Variants in CELF2 observed in about 807,000 individuals in gnomAD.
The protein encoded by CELF2 is CUGBP Elav-like family member 2.
A neutral mutation model predicts 62.6 loss-of-function variants in CELF2; 8 were observed. That is an observed-to-expected ratio of 0.13 (90% CI 0.07 to 0.23). The LOEUF (loss-of-function observed/expected upper bound fraction) is 0.23. CELF2 is among the 10% of genes least tolerant of loss of function. The pLI is 1.00. For missense variants in CELF2, 333 were observed against 671.0 expected (o/e 0.50, Z 5.56); for synonymous variants, 258 against 250.0 (o/e 1.03, Z -0.30).
chr10:10,746,086 C>T, the CELF2 span, among the ~76,000 whole-genome samples: 1 of 152,184 alleles, frequency 6.6e-6, no homozygotes, highest in African/African-American at 2.4e-5. Context: ...ATGAATTCTC[C>T]AGCCCCTTGA....
chr10:11,155,523 A>G (rs1470573523), intron 1 of CELF2, among the ~76,000 whole-genome samples: 1 of 152,212 alleles, frequency 6.6e-6, no homozygotes, highest in African/African-American at 2.4e-5. Flanking sequence ...CTCAAAGGGC[A>G]TGAGCATCCG....
intron 9 of CELF2, among the ~76,000 whole-genome samples, chr10:11,310,938 G>A (rs1451657624): frequency 6.6e-6 from 1 of 152,120 alleles, no homozygotes. Context: ...CTCAGAGAAG[G>A]GGTAGCATAT....
intron 1 of CELF2, among the ~76,000 whole-genome samples, chr10:10,849,648 T>C (rs1045937344): frequency 3.3e-5 from 5 of 152,142 alleles, no homozygotes; most frequent in Middle Eastern, 3.2e-3. Flanking sequence ...AGTACAATTA[T>C]CAAAATCAGG....
chr10:10,526,889 C>G, the CELF2 span, among the ~76,000 whole-genome samples: 4 of 152,202 alleles, frequency 2.6e-5, no homozygotes, highest in African/African-American at 9.7e-5. Context: ...TTCTGGACAC[C>G]TAAGCAAAGA....
intron 1 of CELF2, among the ~76,000 whole-genome samples, chr10:11,127,312 G>A (rs2058871992): frequency 6.6e-6 from 1 of 152,166 alleles, no homozygotes; most frequent in Non-Finnish European, 1.5e-5. Context: ...ATTTGGGTTG[G>A]TTCCAAGTTT....
chr10:10,618,258 G>A, the CELF2 span, among the ~76,000 whole-genome samples: 1 of 152,026 alleles, frequency 6.6e-6, no homozygotes, highest in African/African-American at 2.4e-5. Flanking sequence ...TCTTAGGAAT[G>A]AGCCCATTTC....
chr10:10,536,170 C>T, the CELF2 span, among the ~76,000 whole-genome samples: 6 of 152,018 alleles, frequency 3.9e-5, no homozygotes, highest in Non-Finnish European at 1.5e-5. Context: ...CAGGCACATG[C>T]CACCATGTCT....
chr10:10,572,228 G>A, the CELF2 span, among the ~76,000 whole-genome samples: 2 of 151,834 alleles, frequency 1.3e-5, no homozygotes, highest in Non-Finnish European at 1.5e-5. Flanking sequence ...ATCATTAAGA[G>A]CAGTATATTT....
the CELF2 span, among the ~76,000 whole-genome samples, chr10:10,466,670 A>G: frequency 3.3e-5 from 5 of 152,130 alleles, no homozygotes; most frequent in South Asian, 4.1e-4. Context: ...TTCTCCCGCA[A>G]TGTTGGAGAA....
At chr10:10,961,173 G>C (rs1226118484) in intron 2 of CELF2, among the ~76,000 whole-genome samples, 1 of 152,154 alleles carries the variant, frequency 6.6e-6, no homozygotes, top group African/African-American at 2.4e-5. Context: ...AGAAGAGGTA[G>C]GTTCTTTAAG....
At chr10:10,676,454 T>C in the CELF2 span, among the ~76,000 whole-genome samples, 1 of 152,212 alleles carries the variant, frequency 6.6e-6, no homozygotes, top group Non-Finnish European at 1.5e-5. Context: ...CTGGTGTGTT[T>C]CAAAAATGGT....
chr10:11,080,837 T>C (rs563989997), intron 1 of CELF2, among the ~76,000 whole-genome samples: 1 of 152,332 alleles, frequency 6.6e-6, no homozygotes, highest in African/African-American at 2.4e-5. Flanking sequence ...AAGAAAATTA[T>C]ATGAACCACA....
chr10:10,627,231 C>T, the CELF2 span, among the ~76,000 whole-genome samples: 1 of 152,146 alleles, frequency 6.6e-6, no homozygotes, highest in Admixed American at 6.6e-5. Context: ...CCCAAGAAGA[C>T]CTCTGAATAA....
chr10:10,838,474 AG>A (rs2058455458), intron 1 of CELF2, among the ~76,000 whole-genome samples: 1 of 152,234 alleles, frequency 6.6e-6, no homozygotes, highest in Non-Finnish European at 1.5e-5. Context: ...CACCTACTTC[AG>A]GGCAGGATAT....
chr10:11,088,612 G>A (rs2047454715), intron 1 of CELF2, among the ~76,000 whole-genome samples: 1 of 149,548 alleles, frequency 6.7e-6, no homozygotes, highest in Non-Finnish European at 1.5e-5. Context: ...TGGATGTGCA[G>A]AAACACATGT....
At chr10:11,226,659 C>A (rs998756520) in intron 3 of CELF2, among the ~76,000 whole-genome samples, 6 of 151,974 alleles carry the variant, frequency 3.9e-5, no homozygotes, top group African/African-American at 1.5e-4. Context: ...GGCCCTGCCA[C>A]AGCAGGGGCA....
At position 11,259,829 on chromosome 10, in the gene CELF2, T is replaced by G. The variant is rs540693219; in HGVS notation, c.538+1957T>G. On this transcript the variant is annotated intron_variant, in intron 5 of 12. Coordinates refer to ENST00000633077, the MANE Select transcript of CELF2 (RefSeq NM_001326342.2). ...GGGAGAATACCATGGGAAAAGACAG[T>G]GTGGCTAAATTAAGAATAAAATATG... is the stretch of plus-strand genomic sequence containing the variant. Among the ~76,000 whole-genome samples, 68 of 152,346 alleles carry G rather than the reference T, an allele frequency of 4.5e-4. 1 individual carries two copies. Among genetic ancestry groups the G allele is most frequent in the African/African-American group, 1.4e-3 (60 of 41,582 alleles).
intron 1 of CELF2, among the ~76,000 whole-genome samples, chr10:11,161,884 C>G (rs945591622): frequency 6.6e-6 from 1 of 152,180 alleles, no homozygotes; most frequent in African/African-American, 2.4e-5. Context: ...TAGCAGGTAC[C>G]TCCAAAGGTT....
the CELF2 span, among the ~76,000 whole-genome samples, chr10:10,564,559 C>A: frequency 1.4e-4 from 21 of 151,742 alleles, no homozygotes; most frequent in South Asian, 4.0e-3. Flanking sequence ...ATTTTCATCA[C>A]CTCTTTACCC....
Sources: gnomAD v4.1 joint callset for allele counts (sites outside exome capture counted in the v4.1 genomes callset) on GRCh38, gnomAD v4.1.1 for gene constraint, MANE v1.5 for transcripts, NCBI Gene and HGNC (gene_info 2026-07-23, HGNC 2026-07-21) for gene names.